Variants in DDX31 observed in about 807,000 individuals in gnomAD.
DDX31 encodes ATP-dependent DNA helicase DDX31.
Under a neutral mutation model 91.3 loss-of-function variants are expected in DDX31, and 70 were observed. The ratio of observed to expected loss-of-function variants is 0.77; its 90% CI spans 0.63 to 0.94. The LOEUF (loss-of-function observed/expected upper bound fraction) is 0.94. DDX31 is among the 40% of genes least tolerant of loss of function. The pLI is 0.00. For synonymous variants in DDX31, 362 were observed against 350.6 expected, an observed-to-expected ratio of 1.03 and a Z score of -0.36; for missense variants, 902 against 925.0, an observed-to-expected ratio of 0.98 and a Z score of 0.32.
chr9:132,635,077 T>C (rs1278048107), intron 14 of DDX31, among the ~76,000 whole-genome samples: 1 of 152,176 alleles, frequency 6.6e-6, no homozygotes, highest in African/African-American at 2.4e-5. Flanking sequence ...TGCTTCCTCA[T>C]GGTAAGGTTG....
At chr9:132,612,061 C>T (rs754922101) in intron 19 of DDX31, 26 bp downstream of exon 19, 1 of 1,605,936 alleles carries the variant, frequency 6.2e-7, no homozygotes, top group South Asian at 1.1e-5. Flanking sequence ...CTAGCCCCGT[C>T]ACGGGACGAA....
intron 1 of DDX31, among the ~76,000 whole-genome samples, chr9:132,663,691 TC>T (rs1564342781): frequency 6.6e-6 from 1 of 152,234 alleles, no homozygotes; most frequent in Non-Finnish European, 1.5e-5. Context: ...ATGTCGGCTT[TC>T]TTTAGCCATG....
chr9:132,641,415 T>C (rs898023546), intron 14 of DDX31, among the ~76,000 whole-genome samples: 46 of 152,266 alleles, frequency 3.0e-4, no homozygotes, highest in African/African-American at 1.1e-3. Context: ...TACGGTAAAG[T>C]GAATCCCCAG....
At chr9:132,622,716 CTTA>C (rs1350777030) in intron 17 of DDX31, among the ~76,000 whole-genome samples, 1 of 152,352 alleles carries the variant, frequency 6.6e-6, no homozygotes, top group South Asian at 2.1e-4. Flanking sequence ...TAATGTTCCA[CTTA>C]TTATGATACA....
intron 18 of DDX31, among the ~76,000 whole-genome samples, chr9:132,617,151 T>C (rs1354911949): frequency 6.6e-6 from 1 of 152,150 alleles, no homozygotes; most frequent in African/African-American, 2.4e-5. Flanking sequence ...CCACACTGCC[T>C]TCCTCGAGCT....
At chr9:132,658,847 A>G (rs1268711218) in intron 5 of DDX31, 112 bp from the exon 6 acceptor site, 25 of 938,348 alleles carry the variant, frequency 2.7e-5, no homozygotes, top group Non-Finnish European at 3.8e-5. Flanking sequence ...ACTAAATTCT[A>G]GGGAAAGGGA....
Position 132,669,470 on chromosome 9 carries a change from T to TAAA in DDX31, c.75+387_75+389dup, listed in dbSNP as rs58679432. Reference sequence around the variant, plus strand: ...TTCCCAGACAGGAATGTGGGCAAGATAAAAAAAAAAATCAGAGCTTAGTCC... The same window carrying TAAA: ...TTCCCAGACAGGAATGTGGGCAAGATAAAAAAAAAAAAAATCAGAGCTTAGTCC... On this transcript the variant is annotated intron_variant, in intron 1 of 19. Coordinates refer to ENST00000372159, the MANE Select transcript of DDX31 (RefSeq NM_022779.9). 9.2e-3 allele frequency: 6,114 copies of TAAA among 665,912 alleles called. 1 individual carries two copies. Among genetic ancestry groups the TAAA allele is most frequent in the South Asian group, 0.011 (550 of 49,474 alleles). The allele number at this position is 665,912 out of a possible 1,614,324, so 41.3% of individuals were successfully genotyped here.
intron 16 of DDX31, 43 bp downstream of exon 16, chr9:132,630,221 T>C: frequency 6.6e-7 from 1 of 1,520,534 alleles, no homozygotes; most frequent in Non-Finnish European, 8.9e-7. Flanking sequence ...AGAAAGTTAA[T>C]TAGGTGAGAC....
At chr9:132,658,221 A>C in intron 6 of DDX31, 1 of 697,676 alleles carries the variant, frequency 1.4e-6, no homozygotes, top group South Asian at 1.5e-5. Context: ...TCTTCACACA[A>C]GAGTAAGGAG....
chr9:132,611,690 C>G (rs1046203381), intron 19 of DDX31, among the ~76,000 whole-genome samples: 4 of 152,118 alleles, frequency 2.6e-5, no homozygotes, highest in Admixed American at 6.6e-5. Context: ...CCAAAGCCAG[C>G]CTGTTAGAGA....
rs917532600 is a variant in DDX31, at chr9:132,595,165, C to G, written c.1995-53G>C. The G allele has an allele frequency of 1.3e-6, 2 of 1,576,088 alleles. No homozygotes were observed. The highest frequency in any genetic ancestry group is 1.7e-6 in the Non-Finnish European group (2 of 1,162,196). ...AAAGAAACTTTATTATTTTTCTTTCCCATTTGGAAAGAGGCTGATAGCAGC... is the reference window on the plus strand; with the variant it reads ...AAAGAAACTTTATTATTTTTCTTTCGCATTTGGAAAGAGGCTGATAGCAGC... On this transcript the variant is annotated intron_variant, in intron 19 of 19. Coordinates refer to ENST00000372159, the MANE Select transcript of DDX31 (RefSeq NM_022779.9). This position sits in a 1 kb window ranked among gnomAD's most constrained non-coding sequence, Gnocchi z 4.6.
At chr9:132,668,662 G>GAGGC (rs1328652438) in intron 1 of DDX31, among the ~76,000 whole-genome samples, 3 of 151,822 alleles carry the variant, frequency 2.0e-5, no homozygotes, top group Non-Finnish European at 2.9e-5. Context: ...CCGCCTCCTG[G>GAGGC]GTTCACGCCA....
At chr9:132,634,420 AAAC>A (rs1832975093) in intron 14 of DDX31, among the ~76,000 whole-genome samples, 1 of 152,128 alleles carries the variant, frequency 6.6e-6, no homozygotes, top group Non-Finnish European at 1.5e-5. Context: ...AGTAGGTTGC[AAAC>A]ATCATGACAA....
chr9:132,636,299 G>A (rs1158566385), intron 14 of DDX31, among the ~76,000 whole-genome samples: 6 of 152,152 alleles, frequency 3.9e-5, no homozygotes. Context: ...GGGAGCGGGA[G>A]CCACTTTCTA....
chr9:132,631,917 T>G, intron 15 of DDX31, 124 bp downstream of exon 15: 1 of 835,088 alleles, frequency 1.2e-6, no homozygotes, highest in South Asian at 1.8e-5. Flanking sequence ...AAGGCTGGTT[T>G]GCTGCCTGGT....
chr9:132,668,539 G>C (rs59922139), intron 1 of DDX31, among the ~76,000 whole-genome samples: 1 of 150,860 alleles, frequency 6.6e-6, no homozygotes, highest in Non-Finnish European at 1.5e-5. Context: ...GAGGTCCTGA[G>C]AACATGTGCC....
At chr9:132,613,768 C>A (rs2119319589) in intron 18 of DDX31, among the ~76,000 whole-genome samples, 1 of 152,334 alleles carries the variant, frequency 6.6e-6, no homozygotes, top group East Asian at 1.9e-4. Flanking sequence ...AGAAAAAGGC[C>A]AGACTCATTC....
chr9:132,652,505 A>G lies in DDX31; in HGVS notation c.589-13T>C. On this transcript the variant is annotated splice_polypyrimidine_tract_variant and intron_variant, in intron 6 of 19. Coordinates refer to ENST00000372159, the MANE Select transcript of DDX31 (RefSeq NM_022779.9). ...GGCCATCACTGCGCTGTTGACACACAGAAAAAAAATGCCATGAGCAGGATA... is the reference window on the plus strand; with the variant it reads ...GGCCATCACTGCGCTGTTGACACACGGAAAAAAAATGCCATGAGCAGGATA... 1 of 1,613,990 alleles carries G rather than the reference A, an allele frequency of 6.2e-7. No homozygotes were observed.
chr9:132,616,619 T>C (rs1032496909), intron 18 of DDX31, among the ~76,000 whole-genome samples: 5 of 152,226 alleles, frequency 3.3e-5, no homozygotes, highest in Non-Finnish European at 7.3e-5. Flanking sequence ...CAGCTGAATT[T>C]GCCTAACTTT....
Sources: gnomAD v4.1 joint callset for allele counts (sites outside exome capture counted in the v4.1 genomes callset) on GRCh38, gnomAD v4.1.1 for gene constraint, Gnocchi (gnomAD v3.1) non-coding constraint, MANE v1.5 for transcripts, NCBI Gene and HGNC (gene_info 2026-07-23, HGNC 2026-07-21) for gene names.